STRIP1: variants seen among roughly 807,000 people sequenced by gnomAD.
STRIP1 encodes the protein striatin-interacting protein 1.
A neutral mutation model predicts 106.2 loss-of-function variants in STRIP1; 63 were observed. The ratio of observed to expected loss-of-function variants is 0.59; its 90% CI spans 0.48 to 0.73. STRIP1 has a LOEUF of 0.73. Among genes scored for constraint, STRIP1 ranks in the 30% least tolerant of loss-of-function variants. The pLI is 0.00. For missense variants in STRIP1, 857 were observed against 1,074.8 expected, an observed-to-expected ratio of 0.80 and a Z score of 2.83; for synonymous variants, 390 against 413.0, an observed-to-expected ratio of 0.94 and a Z score of 0.67.
rs888742692 is a variant in STRIP1 at position 110,049,166 on chromosome 1, G to A, written c.1716G>A (p.Glu572=). The change falls in exon 16 of 21, where the codon GAG becomes GAA. Residue 572 remains glutamate, a synonymous_variant. Coordinates refer to ENST00000369795, the MANE Select transcript of STRIP1 (RefSeq NM_033088.4). ...GGGTGGATGTAAACCGCCACAAAGA[G>A]GTCATTGTTAAGGCCATTTCTGCTG... The part of the protein sequence containing the change: ...KLGVDVNRHK[E]VIVKAISAVL... 6.2e-7 allele frequency: 1 copy of A among 1,614,224 alleles called. No homozygotes were observed. The highest frequency in any genetic ancestry group is 8.5e-7 in the Non-Finnish European group (1 of 1,180,044).
At chr1:110,038,598 C>A in intron 2 of STRIP1, 85 bp from the exon 3 acceptor site, 1 of 1,101,002 alleles carries the variant, frequency 9.1e-7, no homozygotes, top group Non-Finnish European at 1.4e-6. Flanking sequence ...AGAGTGGAAG[C>A]AAATGCCTTG....
intron 15 of STRIP1, 89 bp from the exon 16 acceptor site, chr1:110,049,023 G>T (rs762729557): frequency 6.6e-6 from 10 of 1,523,434 alleles, no homozygotes; most frequent in Non-Finnish European, 9.0e-6. Context: ...TCTTTGCCCA[G>T]GGAGGCTCCG....
chr1:110,050,937 T>C lies in STRIP1; in HGVS notation c.1957-19T>C. On this transcript the variant is annotated intron_variant, in intron 18 of 20. Transcript: ENST00000369795. ...CACTGCAGCCATGAGGGCTGATTGT[T>C]CCTGGGTTTACCCTGCAGGAAGCAG... is the stretch of plus-strand genomic sequence containing the variant. 6.9e-7 allele frequency: 1 copy of C among 1,455,856 alleles called. No homozygotes were observed. Among genetic ancestry groups the C allele is most frequent in the Non-Finnish European group, 9.7e-7 (1 of 1,035,800 alleles). The allele number at this position is 1,455,856 out of a possible 1,614,324, so 90.2% of individuals were successfully genotyped here. A position where few individuals can be genotyped will look rare whatever the true frequency, so the allele number is the denominator to read the frequency against.
intron 1 of STRIP1, among the ~76,000 whole-genome samples, chr1:110,036,062 TATC>T (rs1652438100): frequency 6.6e-6 from 1 of 152,244 alleles, no homozygotes; most frequent in African/African-American, 2.4e-5. Context: ...TGAGAGGAGT[TATC>T]ATTTTGAAAA....
chr1:110,043,736 A>G lies in STRIP1; in HGVS notation c.1166A>G (p.Asn389Ser), dbSNP rs376135440. Reference sequence around the variant, plus strand: ...GAGGAAGAGGAGAATGATGATGACAACAGTCTGGAGGGGGAGACGTTTCCC... The same window carrying G: ...GAGGAAGAGGAGAATGATGATGACAGCAGTCTGGAGGGGGAGACGTTTCCC... Reference protein sequence around the residue: ...REEEEENDDDNSLEGETFPLE... With the variant: ...REEEEENDDDSSLEGETFPLE... Residue 389 changes from asparagine to serine, a missense_variant, in exon 10 of 21, where the codon AAC (asparagine) becomes AGC (serine). By Grantham distance (46) the Asn-to-Ser change is conservative. Coordinates refer to ENST00000369795, the MANE Select transcript of STRIP1 (RefSeq NM_033088.4). 40 of 1,614,070 alleles carry G rather than the reference A, an allele frequency of 2.5e-5. No homozygotes were observed. The highest frequency in any genetic ancestry group is 3.3e-5 in the South Asian group (3 of 91,082).
Position 110,049,125 on chromosome 1 carries a change from C to G in STRIP1, c.1675C>G (p.Gln559Glu), listed in dbSNP as rs760940524. 6.8e-6 allele frequency: 11 copies of G among 1,614,188 alleles called. No individual in the cohort carries two copies. Among genetic ancestry groups the G allele is most frequent in the Non-Finnish European group, 9.3e-6 (11 of 1,180,030 alleles). The change falls in exon 16 of 21, where the codon CAG (glutamine) becomes GAG (glutamate). Residue 559 changes from glutamine to glutamate, a missense_variant. This residue lies in a region of STRIP1 where 750 missense variants were observed against 989.8 expected (regional missense o/e 0.76). Coordinates refer to ENST00000369795, the MANE Select transcript of STRIP1 (RefSeq NM_033088.4). ...LPEEMPTTVL[Q>E]SMKLGVDVNR... ...TTATGTTTCCAGCACCACAGTGTTG[C>G]AGAGCATGAAGCTGGGGGTGGATGT... is the stretch of plus-strand genomic sequence containing the variant.
intron 19 of STRIP1, among the ~76,000 whole-genome samples, 190 bp from the exon 20 acceptor site, chr1:110,051,493 G>A (rs149497148): frequency 3.9e-5 from 6 of 152,222 alleles, no homozygotes; most frequent in African/African-American, 1.4e-4. Flanking sequence ...CAACCATCCT[G>A]GTTTGTCTGG....
chr1:110,043,006 A>G, intron 8 of STRIP1, 82 bp from the exon 9 acceptor site: 3 of 1,364,964 alleles, frequency 2.2e-6, no homozygotes, highest in Non-Finnish European at 3.0e-6. Context: ...GATGTCATGA[A>G]TGTTTCTGAG....
At chr1:110,036,188 C>A (rs1459882991) in intron 1 of STRIP1, among the ~76,000 whole-genome samples, 2 of 152,214 alleles carry the variant, frequency 1.3e-5, no homozygotes, top group African/African-American at 4.8e-5. Flanking sequence ...TGCAGTGGCT[C>A]ACGCCTGTAA....
Position 110,043,762 on chromosome 1 carries a change from C to T in STRIP1, c.1192C>T (p.Leu398=), listed in dbSNP as rs745622488. The part of the protein sequence containing the change: ...DNSLEGETFP[L]ERDEVMPPPL... The stretch of plus-strand genomic sequence containing the variant: ...CAGTCTGGAGGGGGAGACGTTTCCC[C>T]TGGAACGGGATGAAGTGATGCCTCC... The change falls in exon 10 of 21, where the codon CTG becomes TTG. Residue 398 remains leucine, a synonymous_variant. Transcript: ENST00000369795. 2 of 1,614,166 alleles carry T rather than the reference C, an allele frequency of 1.2e-6. No homozygotes were observed. The highest frequency in any genetic ancestry group is 1.3e-5 in the African/African-American group (1 of 75,054).
chr1:110,046,372 C>T (rs1003939765), intron 12 of STRIP1, among the ~76,000 whole-genome samples: 11 of 152,110 alleles, frequency 7.2e-5, no homozygotes, highest in East Asian at 3.9e-4. Flanking sequence ...TGGTGGTGCA[C>T]ACCTGTAGTC....
chr1:110,032,494 T>C (rs182293826), upstream of STRIP1, among the ~76,000 whole-genome samples: 1 of 152,286 alleles, frequency 6.6e-6, no homozygotes, highest in Non-Finnish European at 1.5e-5. Flanking sequence ...TAACAACAGA[T>C]AATAGTAAGA....
At position 110,045,005 on chromosome 1, in the gene STRIP1, T is replaced by C; in HGVS notation, c.1353-10T>C. 3.1e-6 allele frequency: 5 copies of C among 1,614,200 alleles called. No individual in the cohort carries two copies. The highest frequency in any genetic ancestry group is 4.2e-6 in the Non-Finnish European group (5 of 1,180,026). On this transcript the variant is annotated splice_polypyrimidine_tract_variant and intron_variant, in intron 11 of 20. Coordinates refer to ENST00000369795, the MANE Select transcript of STRIP1 (RefSeq NM_033088.4). Reference sequence around the variant, plus strand: ...TCGAGGCTCAACACAGGGCCTTCTTTATTCTCCAGTGACACGAACACAGTG... The same window carrying C: ...TCGAGGCTCAACACAGGGCCTTCTTCATTCTCCAGTGACACGAACACAGTG...
upstream of STRIP1, among the ~76,000 whole-genome samples, chr1:110,031,885 A>T (rs1652198892): frequency 1.3e-5 from 2 of 150,252 alleles, no homozygotes; most frequent in South Asian, 2.1e-4. Context: ...TTTTTCAAAA[A>T]TTTTTTTAAT....
At chr1:110,034,598 G>A, upstream of STRIP1, 1 of 1,472,088 alleles carries the variant, frequency 6.8e-7, no homozygotes, top group Non-Finnish European at 8.9e-7. Flanking sequence ...GCATCACGGC[G>A]GCTGTGCGCG....
chr1:110,050,880 A>ATGTG, intron 18 of STRIP1, 76 bp from the exon 19 acceptor site: 1 of 846,592 alleles, frequency 1.2e-6, no homozygotes, highest in Non-Finnish European at 2.1e-6. Context: ...TCCTGAGATC[A>ATGTG]TGTGTGAGGG....
At chr1:110,038,091 T>TACATATATATATATATATATATATATAC (rs1553193250) in intron 2 of STRIP1, 131 bp downstream of exon 2, 1 of 163,954 alleles carries the variant, frequency 6.1e-6, no homozygotes, top group African/African-American at 2.8e-5. Context: ...TATATATATA[T>TACATATATATATATATATATATATATAC]ATATATATAT....
At chr1:110,048,106 A>G in intron 15 of STRIP1, 1 of 494,720 alleles carries the variant, frequency 2.0e-6, no homozygotes, top group South Asian at 2.4e-5. Flanking sequence ...TCCTGAGTGA[A>G]TTGGGGAAAG....
chr1:110,046,623 G>T, intron 12 of STRIP1, 57 bp from the exon 13 acceptor site: 1 of 1,500,758 alleles, frequency 6.7e-7, no homozygotes. Flanking sequence ...CTAGAGTGCA[G>T]GGAGTTTGGC....
Sources: gnomAD v4.1 joint callset for allele counts (sites outside exome capture counted in the v4.1 genomes callset) on GRCh38, gnomAD v4.1.1 for gene constraint, gnomAD v4.1.1 regional missense constraint, MANE v1.5 for transcripts, NCBI Gene and HGNC (gene_info 2026-07-23, HGNC 2026-07-21) for gene names.